Variants in ASH1L observed in about 807,000 individuals in gnomAD.
ASH1L encodes ASH1 like histone lysine methyltransferase, also known as histone-lysine N-methyltransferase ASH1L.
Under a neutral mutation model 269.0 loss-of-function variants are expected in ASH1L, and 23 were observed. That is an observed-to-expected ratio of 0.09 (90% CI 0.06 to 0.12). ASH1L has a LOEUF of 0.12. Ranked by LOEUF, ASH1L falls within the 10% of genes least tolerant of loss-of-function variation. The probability of loss-of-function intolerance (pLI) is 1.00; values close to 1 mark genes in which losing one functional copy is unlikely to be tolerated. For synonymous variants in ASH1L, 1,187 were observed against 1,253.5 expected (o/e 0.95, Z 1.12); for missense variants, 2,912 against 3,567.8 (o/e 0.82, Z 4.68).
chr1:155,380,198 CAT>C (rs1656813326), intron 7 of ASH1L, 82 bp from the exon 8 acceptor site: 2 of 943,686 alleles, frequency 2.1e-6, no homozygotes, highest in African/African-American at 1.6e-5. Context: ...CAAGAACTAA[CAT>C]GTACTGACTA....
chr1:155,457,909 T>C (rs1571263280), intron 4 of ASH1L, among the ~76,000 whole-genome samples: 1 of 152,218 alleles, frequency 6.6e-6, no homozygotes, highest in Non-Finnish European at 1.5e-5. Context: ...GAACTTTTTC[T>C]GTAAAAGGCC....
At chr1:155,551,797 G>T (rs376191442) in intron 1 of ASH1L, among the ~76,000 whole-genome samples, 37 of 143,364 alleles carry the variant, frequency 2.6e-4, no homozygotes, top group African/African-American at 9.3e-4. Flanking sequence ...GTGAAACCCC[G>T]TCTCTACTAA....
At position 155,521,342 on chromosome 1, in the gene ASH1L, C is replaced by T. The variant is rs1360448953; in HGVS notation, c.178G>A (p.Ala60Thr). 4 of 1,614,168 alleles carry T rather than the reference C, an allele frequency of 2.5e-6. No homozygotes were observed. The highest frequency in any genetic ancestry group is 3.4e-6 in the Non-Finnish European group (4 of 1,180,036). Residue 60 changes from alanine (A) to threonine (T), a missense_variant, in exon 2 of 28, where the codon GCT becomes ACT. Ala to Thr is a moderately conservative substitution (Grantham distance 58). This residue lies in a region of ASH1L where 115 missense variants were observed against 101.5 expected (regional missense o/e 1.13). Coordinates refer to ENST00000392403, the MANE Select transcript of ASH1L (RefSeq NM_018489.3). ...RKRNRERNIE[A>T]GKDDGLTDAQ... ...TCAGTCAAACCATCATCTTTCCCAG[C>T]TTCGATGTTTCTTTCTCGATTCCGT...
rs138747885 is a variant in ASH1L at position 155,518,885 on chromosome 1, G to A, written c.420+2215C>T. Among the ~76,000 whole-genome samples the A allele has an allele frequency of 1.7e-3, 256 of 152,150 alleles. 1 individual carries two copies. Among genetic ancestry groups the A allele is most frequent in the African/African-American group, 5.3e-3 (221 of 41,510 alleles). ...AGAAAAATTAAGAAAACCTCATGAA[G>A]ACTCAGAGAAATCAAAAACTCATGC... On this transcript the variant is annotated intron_variant, in intron 2 of 27. Transcript: ENST00000392403.
At chr1:155,358,552 G>A (rs778875092) in intron 13 of ASH1L, among the ~76,000 whole-genome samples, 2 of 151,956 alleles carry the variant, frequency 1.3e-5, no homozygotes, top group Non-Finnish European at 2.9e-5. Flanking sequence ...GCTGGGTGTG[G>A]TGACAGGCAC....
chr1:155,497,845 G>A (rs970413510), intron 2 of ASH1L, among the ~76,000 whole-genome samples: 3 of 152,090 alleles, frequency 2.0e-5, no homozygotes, highest in Non-Finnish European at 4.4e-5. Flanking sequence ...CGCCTCCCGG[G>A]TTCATGCCAT....
chr1:155,442,053 C>T (rs1366779404), intron 4 of ASH1L, among the ~76,000 whole-genome samples: 1 of 151,974 alleles, frequency 6.6e-6, no homozygotes, highest in African/African-American at 2.4e-5. Context: ...AGGTATGAGC[C>T]GCCTGCCTGA....
intron 5 of ASH1L, among the ~76,000 whole-genome samples, chr1:155,429,980 G>GT (rs112673240): frequency 0.022 from 3,126 of 144,416 alleles, 62 homozygotes; most frequent in African/African-American, 0.048. Flanking sequence ...TGATTTTTAA[G>GT]TTTTTTTTTT....
intron 5 of ASH1L, chr1:155,433,604 C>T (rs1661798533): frequency 6.2e-7 from 1 of 1,610,248 alleles, no homozygotes; most frequent in Non-Finnish European, 8.5e-7. Context: ...CATCAAAGCT[C>T]TGCAGAAAGA....
At chr1:155,559,613 T>G (rs1221529100) in intron 1 of ASH1L, among the ~76,000 whole-genome samples, 1 of 151,868 alleles carries the variant, frequency 6.6e-6, no homozygotes, top group African/African-American at 2.4e-5. Flanking sequence ...GTATAAACAC[T>G]TTATGCTTAT....
rs536542441 is a variant in ASH1L, at chr1:155,430,124, C to T, written c.5828+8203G>A. On this transcript the variant is annotated intron_variant, in intron 5 of 27. Coordinates refer to ENST00000392403, the MANE Select transcript of ASH1L (RefSeq NM_018489.3). ...CCGAGTAGCTGGGATTACAGGCATG[C>T]GCCACCACACTTGGCTGATTTTTAA... Among the ~76,000 whole-genome samples the T allele has an allele frequency of 2.2e-4, 34 of 152,072 alleles. 1 individual carries two copies. The South Asian group carries it at 4.6e-3, about 20-fold the overall frequency.
At chr1:155,504,594 C>G (rs1422388537) in intron 2 of ASH1L, among the ~76,000 whole-genome samples, 1 of 152,164 alleles carries the variant, frequency 6.6e-6, no homozygotes, top group African/African-American at 2.4e-5. Context: ...TGGCTCAGGC[C>G]TGTAATCCCA....
chr1:155,476,982 G>T (rs1326686556), intron 3 of ASH1L, among the ~76,000 whole-genome samples: 2 of 152,036 alleles, frequency 1.3e-5, no homozygotes, highest in Non-Finnish European at 2.9e-5. Context: ...ATATACTGAG[G>T]TTTAGAGAAT....
In ASH1L at chr1:155,521,080, T is replaced by G; in HGVS notation, c.420+20A>C. Reference sequence around the variant, plus strand: ...TGAAAATATTGTCAATAACCACATATTGTTAGGAATTCTACTTACTCGTTT... The same window carrying G: ...TGAAAATATTGTCAATAACCACATAGTGTTAGGAATTCTACTTACTCGTTT... On this transcript the variant is annotated intron_variant, in intron 2 of 27. Transcript: ENST00000392403. 6.4e-7 allele frequency: 1 copy of G among 1,565,992 alleles called. No homozygotes were observed. Among genetic ancestry groups the G allele is most frequent in the Non-Finnish European group, 8.6e-7 (1 of 1,159,210 alleles).
At chr1:155,413,535 A>C (rs1034107679) in intron 6 of ASH1L, among the ~76,000 whole-genome samples, 4 of 152,206 alleles carry the variant, frequency 2.6e-5, no homozygotes, top group Non-Finnish European at 5.9e-5. Context: ...TGAACCCAGA[A>C]GGCAGAGGTT....
chr1:155,446,522 C>G (rs1010345061), intron 4 of ASH1L, among the ~76,000 whole-genome samples: 7 of 150,516 alleles, frequency 4.7e-5, no homozygotes, highest in Non-Finnish European at 7.4e-5. Flanking sequence ...TGGTCTGGAA[C>G]TTCTGGGCTC....
intron 6 of ASH1L, among the ~76,000 whole-genome samples, chr1:155,398,423 A>G (rs918538963): frequency 6.6e-6 from 1 of 152,222 alleles, no homozygotes; most frequent in African/African-American, 2.4e-5. Flanking sequence ...TGAATATTGC[A>G]GGCAGTTGTA....
At chr1:155,556,567 C>T (rs1671605797) in intron 1 of ASH1L, among the ~76,000 whole-genome samples, 1 of 151,966 alleles carries the variant, frequency 6.6e-6, no homozygotes, top group Non-Finnish European at 1.5e-5. Context: ...GCCTTAGCCT[C>T]CCGAGTAGCT....
rs73006945 is a variant in ASH1L at position 155,337,857 on chromosome 1, C to A, written c.8804-106G>T. ...CGAACTCAATGATTCCTTTTCTGAC[C>A]TATAAGCAATTTAGCCCATCCTCCA... On this transcript the variant is annotated intron_variant, in intron 27 of 27. Coordinates refer to ENST00000392403, the MANE Select transcript of ASH1L (RefSeq NM_018489.3). 8.2e-4 allele frequency: 993 copies of A among 1,214,432 alleles called. 3 individuals carry two copies. The African/African-American group carries it at 0.013, about 16-fold the overall frequency. 75.2% of individuals were successfully genotyped at this position (1,214,432 alleles called of 1,614,324 possible).
Sources: allele counts gnomAD v4.1 joint callset (sites outside exome capture counted in the v4.1 genomes callset), GRCh38; gene constraint gnomAD v4.1.1; regional missense constraint gnomAD v4.1.1; transcripts MANE v1.5; gene names NCBI Gene and HGNC (gene_info 2026-07-23, HGNC 2026-07-21).